The following ZFPM2 variants were observed in gnomAD, a reference collection of about 807,000 sequenced individuals.
ZFPM2 encodes zinc finger protein ZFPM2.
ZFPM2 carries 20 observed loss-of-function variants against 98.6 expected under a neutral mutation model. The observed-to-expected ratio is 0.20, with a 90% CI of 0.14 to 0.29. The LOEUF (loss-of-function observed/expected upper bound fraction) is 0.29. Among genes scored for constraint, ZFPM2 ranks in the 10% least tolerant of loss-of-function variants. The pLI is 1.00. For synonymous variants in ZFPM2, 518 were observed against 502.7 expected, an observed-to-expected ratio of 1.03 and a Z score of -0.41; for missense variants, 1,310 against 1,388.6, an observed-to-expected ratio of 0.94 and a Z score of 0.90.
intron 4 of ZFPM2, among the ~76,000 whole-genome samples, chr8:105,589,297 A>G (rs779445153): frequency 6.6e-6 from 1 of 152,212 alleles, no homozygotes; most frequent in Non-Finnish European, 1.5e-5. Context: ...TTTATCATAG[A>G]TCATCCAGAC....
intron 5 of ZFPM2, among the ~76,000 whole-genome samples, chr8:105,727,166 T>C (rs1454086508): frequency 1.3e-5 from 2 of 151,546 alleles, no homozygotes; most frequent in African/African-American, 2.4e-5. Context: ...CTTTTTTTTT[T>C]TCTAAGAACA....
chr8:105,729,502 G>T (rs1226904779), intron 5 of ZFPM2, among the ~76,000 whole-genome samples: 2 of 151,556 alleles, frequency 1.3e-5, no homozygotes, highest in African/African-American at 4.8e-5. Flanking sequence ...AGACATTTTA[G>T]TAAACCATCA....
In ZFPM2 at chr8:105,788,765, G is replaced by A. The variant is rs747782700; in HGVS notation, c.580G>A (p.Glu194Lys). ...TTTKAISEGE[E>K]LIAFVVDFDS... is the part of the protein sequence containing the mutation. Reference sequence around the variant, plus strand: ...TACGAAGGCCATCTCTGAGGGTGAAGAGCTAATTGCCTTTGTGGTGGATTT... The same window carrying A: ...TACGAAGGCCATCTCTGAGGGTGAAAAGCTAATTGCCTTTGTGGTGGATTT... Residue 194 changes from glutamate (E) to lysine (K), a missense_variant, in exon 6 of 8, where the codon GAG (glutamate) becomes AAG (lysine). Glu to Lys is a moderately conservative substitution (Grantham distance 56, BLOSUM62 1). Transcript: ENST00000407775. 7 of 1,613,866 alleles carry A rather than the reference G, an allele frequency of 4.3e-6. No individual in the cohort carries two copies. The highest frequency in any genetic ancestry group is 5.1e-6 in the Non-Finnish European group (6 of 1,179,878).
intron 1 of ZFPM2, 92 bp downstream of exon 1, chr8:105,319,073 A>G (rs1298053863): frequency 1.5e-6 from 2 of 1,375,386 alleles, no homozygotes; most frequent in South Asian, 3.0e-5. Context: ...TGGCGGGGCT[A>G]GGGGAGATCC....
At chr8:105,435,677 G>A (rs1425636684) in intron 2 of ZFPM2, among the ~76,000 whole-genome samples, 2 of 151,944 alleles carry the variant, frequency 1.3e-5, no homozygotes, top group Non-Finnish European at 2.9e-5. Flanking sequence ...AAAAAAAAAT[G>A]TTGGTCAATA....
At chr8:105,584,896 G>A (rs976201523) in intron 4 of ZFPM2, among the ~76,000 whole-genome samples, 1 of 152,142 alleles carries the variant, frequency 6.6e-6, no homozygotes, top group Non-Finnish European at 1.5e-5. Context: ...TAGAACGTTG[G>A]TTATGATAAG....
chr8:105,626,951 A>T (rs1475981162), intron 4 of ZFPM2, among the ~76,000 whole-genome samples: 2 of 152,238 alleles, frequency 1.3e-5, no homozygotes, highest in East Asian at 3.9e-4. Flanking sequence ...AATGGATGTA[A>T]TGTAAAAATA....
chr8:105,802,654 G>A lies in ZFPM2; in HGVS notation c.2572G>A (p.Val858Met), dbSNP rs776914961. Residue 858 changes from valine to methionine, a missense_variant, in exon 8 of 8, where the codon GTG (valine) becomes ATG (methionine). Transcript: ENST00000407775. ...KRLLDYHECT[V>M]CKISFNKVEN... Reference sequence around the variant, plus strand: ...GCTGCTGGACTATCACGAGTGCACTGTGTGCAAGATCAGTTTCAATAAGGT... The same window carrying A: ...GCTGCTGGACTATCACGAGTGCACTATGTGCAAGATCAGTTTCAATAAGGT... 9 of 1,611,108 alleles carry A rather than the reference G, an allele frequency of 5.6e-6. 1 individual carries two copies. In the South Asian group the frequency reaches 8.8e-5, roughly 16 times the overall value.
chr8:105,616,607 A>C (rs1354614741), intron 4 of ZFPM2: 4 of 282,392 alleles, frequency 1.4e-5, no homozygotes, highest in Non-Finnish European at 2.1e-5. Context: ...TTTCAGGTAT[A>C]AGTCTAAGTG....
At chr8:105,612,626 CA>C (rs1816329838) in intron 4 of ZFPM2, among the ~76,000 whole-genome samples, 1 of 152,146 alleles carries the variant, frequency 6.6e-6, no homozygotes, top group Non-Finnish European at 1.5e-5. Context: ...GATTGTTGAC[CA>C]AAAACAAGCT....
At chr8:105,504,415 C>G (rs1813655950) in intron 3 of ZFPM2, among the ~76,000 whole-genome samples, 1 of 152,032 alleles carries the variant, frequency 6.6e-6, no homozygotes, top group African/African-American at 2.4e-5. Flanking sequence ...AGTGATGTGT[C>G]AAAAAATTAC....
chr8:105,453,791 T>C (rs1306154529), intron 3 of ZFPM2, among the ~76,000 whole-genome samples: 4 of 151,588 alleles, frequency 2.6e-5, no homozygotes, highest in Non-Finnish European at 5.9e-5. Context: ...ACCCAGGTAA[T>C]TTTTTTTATT....
intron 3 of ZFPM2, among the ~76,000 whole-genome samples, chr8:105,515,448 T>G (rs1746713904): frequency 6.6e-6 from 1 of 152,216 alleles, no homozygotes; most frequent in African/African-American, 2.4e-5. Context: ...AGAAGTAAGA[T>G]TAAAAGCTCC....
intron 5 of ZFPM2, among the ~76,000 whole-genome samples, chr8:105,713,836 A>G (rs767786761): frequency 7.9e-4 from 120 of 152,094 alleles, no homozygotes; most frequent in Non-Finnish European, 1.4e-3. Context: ...TTGTACCAGT[A>G]TCATGCTGTT....
At chr8:105,477,706 C>T (rs1196249310) in intron 3 of ZFPM2, among the ~76,000 whole-genome samples, 3 of 152,096 alleles carry the variant, frequency 2.0e-5, no homozygotes, top group Non-Finnish European at 2.9e-5. Flanking sequence ...TTGTTAGTAA[C>T]GATCTTGAGA....
rs577045136 is a variant in ZFPM2 at position 105,442,365 on chromosome 8, C to CA, written c.200-1908dup. Among the ~76,000 whole-genome samples the CA allele has an allele frequency of 1.3e-3, 196 of 151,862 alleles. 1 individual carries two copies. Among genetic ancestry groups the CA allele is most frequent in the Non-Finnish European group, 2.4e-3 (163 of 67,918 alleles). ...TCTCAAAGCAAAACAAAAACAAAAA[C>CA]AAAAAAACAACAAAAAAAACTTGGA... On this transcript the variant is annotated intron_variant, in intron 2 of 7. Coordinates refer to ENST00000407775, the MANE Select transcript of ZFPM2 (RefSeq NM_012082.4).
At chr8:105,741,251 C>T (rs975559072) in intron 5 of ZFPM2, among the ~76,000 whole-genome samples, 2 of 152,022 alleles carry the variant, frequency 1.3e-5, no homozygotes, top group Non-Finnish European at 1.5e-5. Context: ...GATTTAGCAG[C>T]GTCTTTGATG....
At chr8:105,350,507 C>T (rs1812620694) in intron 1 of ZFPM2, among the ~76,000 whole-genome samples, 1 of 151,896 alleles carries the variant, frequency 6.6e-6, no homozygotes, top group Non-Finnish European at 1.5e-5. Flanking sequence ...GATAGGAAGA[C>T]TGCATAGACT....
intron 5 of ZFPM2, among the ~76,000 whole-genome samples, chr8:105,701,095 A>G (rs2130956921): frequency 6.6e-6 from 1 of 152,310 alleles, no homozygotes; most frequent in South Asian, 2.1e-4. Context: ...GTAGAGAAAT[A>G]AAGTGTTTTT....
Sources: gnomAD v4.1 joint callset for allele counts (sites outside exome capture counted in the v4.1 genomes callset) on GRCh38, gnomAD v4.1.1 for gene constraint, MANE v1.5 for transcripts, NCBI Gene and HGNC (gene_info 2026-07-23, HGNC 2026-07-21) for gene names.